Variants in SMOC1 observed in about 807,000 individuals in gnomAD.
SMOC1 encodes the protein SPARC related modular calcium binding 1, also known as SPARC-related modular calcium-binding protein 1.
A neutral mutation model predicts 56.3 loss-of-function variants in SMOC1; 22 were observed. The observed-to-expected ratio is 0.39, with a 90% CI of 0.28 to 0.56. The LOEUF is 0.56. Among genes scored for constraint, SMOC1 ranks in the 20% least tolerant of loss-of-function variants. The probability of loss-of-function intolerance (pLI) is 0.61; values close to 1 mark genes in which losing one functional copy is unlikely to be tolerated. For missense variants in SMOC1, 509 were observed against 565.4 expected, an observed-to-expected ratio of 0.90 and a Z score of 1.01; for synonymous variants, 193 against 215.0, an observed-to-expected ratio of 0.90 and a Z score of 0.89.
At chr14:69,951,453 T>A (rs1882993122) in intron 1 of SMOC1, among the ~76,000 whole-genome samples, 1 of 152,192 alleles carries the variant, frequency 6.6e-6, no homozygotes, top group Admixed American at 6.5e-5. Context: ...ACCAAGAAAA[T>A]CTGCTTAACT....
chr14:69,921,924 C>G (rs542682681), intron 1 of SMOC1, among the ~76,000 whole-genome samples: 1 of 152,292 alleles, frequency 6.6e-6, no homozygotes, highest in African/African-American at 2.4e-5. Flanking sequence ...CTGAAGTGCT[C>G]TGGATGAATT....
intron 7 of SMOC1, among the ~76,000 whole-genome samples, chr14:70,003,466 G>A (rs896195933): frequency 3.9e-5 from 6 of 152,128 alleles, no homozygotes; most frequent in African/African-American, 7.2e-5. Flanking sequence ...TCATCCCTAC[G>A]GTTTATTCAA....
At chr14:69,969,298 A>C (rs1883675987) in intron 3 of SMOC1, among the ~76,000 whole-genome samples, 1 of 152,138 alleles carries the variant, frequency 6.6e-6, no homozygotes, top group Non-Finnish European at 1.5e-5. Context: ...GTAATTTATA[A>C]AGAAAAGGGG....
rs527413867 is a variant in SMOC1, at chr14:70,030,931, C to G, written c.*673C>G. 5.7e-4 allele frequency: 87 copies of G among 152,392 alleles called. No homozygotes were observed. The highest frequency in any genetic ancestry group is 2.0e-3 in the African/African-American group (85 of 41,560). 9.4% of individuals were successfully genotyped at this position (152,392 alleles called of 1,614,324 possible). On this transcript the variant is annotated 3_prime_UTR_variant, in exon 12 of 12. Transcript: ENST00000361956. The stretch of plus-strand genomic sequence containing the variant: ...AGGTTGGGCTAAGGAGAGATGGAAA[C>G]TGCCCTGGGAGAGGAAGGGAGTCCA...
chr14:69,991,040 G>A (rs375032236), intron 5 of SMOC1, among the ~76,000 whole-genome samples: 17 of 152,122 alleles, frequency 1.1e-4, no homozygotes, highest in African/African-American at 2.7e-4. Flanking sequence ...TAAGATGCAC[G>A]AAAGTCGGCC....
chr14:69,983,383 G>C (rs1279348799), intron 5 of SMOC1, among the ~76,000 whole-genome samples: 1 of 152,168 alleles, frequency 6.6e-6, no homozygotes, highest in African/African-American at 2.4e-5. Flanking sequence ...AAGGACCCAG[G>C]GATGAGTATA....
chr14:69,922,277 G>A (rs1884866375), intron 1 of SMOC1, among the ~76,000 whole-genome samples: 1 of 152,242 alleles, frequency 6.6e-6, no homozygotes, highest in African/African-American at 2.4e-5. Context: ...CTGGCATAAA[G>A]TCAGCGAGCC....
chr14:69,998,428 G>GTT (rs36077349), intron 7 of SMOC1, among the ~76,000 whole-genome samples: 144 of 146,556 alleles, frequency 9.8e-4, no homozygotes, highest in East Asian at 6.5e-3. Flanking sequence ...CTCTTGCTAA[G>GTT]TTTTTTTTTT....
chr14:69,879,524 C>T lies in SMOC1; in HGVS notation c.-155C>T, dbSNP rs944666831. 2.0e-6 allele frequency: 1 copy of T among 509,720 alleles called. No individual in the cohort carries two copies. The highest frequency in any genetic ancestry group is 2.0e-5 in the African/African-American group (1 of 49,020). The allele number at this position is 509,720 out of a possible 1,614,324, so 31.6% of individuals were successfully genotyped here. ...TCCTGCGCGGTTCATGACTGTGTCC[C>T]CTGACCGCAGCCTCTGCGAGCCCCC... On this transcript the variant is annotated 5_prime_UTR_variant, in exon 1 of 12. Transcript: ENST00000361956.
chr14:69,889,211 C>T (rs952768596), intron 1 of SMOC1, among the ~76,000 whole-genome samples: 1 of 152,126 alleles, frequency 6.6e-6, no homozygotes, highest in Non-Finnish European at 1.5e-5. Context: ...GCTGGATACC[C>T]CCATGTGCCC....
chr14:70,010,987 T>C, intron 8 of SMOC1, 41 bp downstream of exon 8: 13 of 1,607,654 alleles, frequency 8.1e-6, no homozygotes, highest in Non-Finnish European at 1.1e-5. Context: ...ACGCACCTGC[T>C]GGCTGTTATC....
At chr14:69,996,041 T>C (rs1428996219) in intron 7 of SMOC1, among the ~76,000 whole-genome samples, 4 of 152,186 alleles carry the variant, frequency 2.6e-5, no homozygotes, top group Admixed American at 2.6e-4. Context: ...CATGAGTTAA[T>C]TCTCATTCTG....
At chr14:69,969,817 G>T (rs1883696089) in intron 3 of SMOC1, among the ~76,000 whole-genome samples, 1 of 152,150 alleles carries the variant, frequency 6.6e-6, no homozygotes, top group Non-Finnish European at 1.5e-5. Flanking sequence ...AAAGTTATTT[G>T]GCCAGAGGAC....
At position 69,953,615 on chromosome 14, in the gene SMOC1, C is replaced by T. The variant is rs866485370; in HGVS notation, c.378+83C>T. On this transcript the variant is annotated intron_variant, in intron 3 of 11. Coordinates refer to ENST00000361956, the MANE Select transcript of SMOC1 (RefSeq NM_001034852.3). The stretch of plus-strand genomic sequence containing the variant: ...TCCCGAGAGCGCGAGGGCTGCTTGG[C>T]GCCTTCACTTTCTGGGAAACAGTTG... The T allele has an allele frequency of 1.3e-5, 15 of 1,139,104 alleles. No individual in the cohort carries two copies. In the Middle Eastern group the frequency reaches 6.4e-4, roughly 49 times the overall value. 70.6% of individuals were successfully genotyped at this position (1,139,104 alleles called of 1,614,324 possible). A position where few individuals can be genotyped will look rare whatever the true frequency, so the allele number is the denominator to read the frequency against.
In SMOC1 at chr14:70,028,812, T is replaced by C. The variant is rs937553251; in HGVS notation, c.1292-1430T>C. On this transcript the variant is annotated intron_variant, in intron 11 of 11. Transcript: ENST00000361956. Reference sequence around the variant, plus strand: ...AGAGTTCATGTCCTCCTCTGTAAAATTGGATAAACCGATATCCACCCCACG... The same window carrying C: ...AGAGTTCATGTCCTCCTCTGTAAAACTGGATAAACCGATATCCACCCCACG... Among the ~76,000 whole-genome samples the C allele has an allele frequency of 1.3e-4, 20 of 152,272 alleles. No homozygotes were observed. The Middle Eastern group carries it at 0.014, about 104-fold the overall frequency.
rs920763432 is a variant in SMOC1, at chr14:70,011,491, G to T, written c.864G>T (p.Val288=). The change falls in exon 9 of 12, where the codon GTG becomes GTT. Residue 288 remains valine (V), a synonymous_variant. Coordinates refer to ENST00000361956, the MANE Select transcript of SMOC1 (RefSeq NM_001034852.3). ...RPLPGTSTRY[V]MPSCESDARA... The stretch of plus-strand genomic sequence containing the variant: ...CATATCTCTCTTTTCCCAGCTACGT[G>T]ATGCCCAGTTGTGAGAGCGACGCCA... 1 of 1,602,328 alleles carries T rather than the reference G, an allele frequency of 6.2e-7. No individual in the cohort carries two copies. The highest frequency in any genetic ancestry group is 8.5e-7 in the Non-Finnish European group (1 of 1,171,376).
Position 69,994,487 on chromosome 14 carries a change from A to T in SMOC1, c.664+7A>T, listed in dbSNP as rs758967487. The T allele has an allele frequency of 1.6e-5, 25 of 1,607,416 alleles. No homozygotes were observed. The East Asian group carries it at 5.3e-4, about 34-fold the overall frequency. On this transcript the variant is annotated splice_region_variant and intron_variant, in intron 7 of 11. Transcript: ENST00000361956. ...ACCAACATAAGAAATTCAGGTAAAT[A>T]ACCTTCCTTGGATTATATATGTACC... is the stretch of plus-strand genomic sequence containing the variant.
intron 7 of SMOC1, among the ~76,000 whole-genome samples, chr14:69,997,203 A>T (rs182353899): frequency 1.8e-4 from 27 of 152,340 alleles, no homozygotes; most frequent in Admixed American, 5.2e-4. Flanking sequence ...GCTCCCTGAC[A>T]TGCCCAGGTA....
intron 3 of SMOC1, among the ~76,000 whole-genome samples, chr14:69,966,700 G>A (rs893142015): frequency 6.6e-6 from 1 of 152,152 alleles, no homozygotes; most frequent in Non-Finnish European, 1.5e-5. Context: ...AAAATCCATA[G>A]TGAATTTTGG....
Sources: gnomAD v4.1 joint callset for allele counts (sites outside exome capture counted in the v4.1 genomes callset) on GRCh38, gnomAD v4.1.1 for gene constraint, MANE v1.5 for transcripts, NCBI Gene and HGNC (gene_info 2026-07-23, HGNC 2026-07-21) for gene names.